Variants in LARP1 observed in about 807,000 individuals in gnomAD.
The protein encoded by LARP1 is La ribonucleoprotein 1, translational regulator.
Under a neutral mutation model 122.7 loss-of-function variants are expected in LARP1, and 36 were observed. The ratio of observed to expected loss-of-function variants is 0.29; its 90% CI spans 0.22 to 0.39. The LOEUF (loss-of-function observed/expected upper bound fraction) is 0.39, where lower values mean the gene tolerates loss of function less well. LARP1 is among the 10% of genes least tolerant of loss of function. The probability of loss-of-function intolerance (pLI) is 1.00; values close to 1 mark genes in which losing one functional copy is unlikely to be tolerated. For synonymous variants in LARP1, 539 were observed against 528.7 expected (o/e 1.02, Z -0.27); for missense variants, 1,040 against 1,403.6 (o/e 0.74, Z 4.14).
intron 16 of LARP1, among the ~76,000 whole-genome samples, chr5:154,810,718 C>T (rs1042062000): frequency 6.6e-6 from 1 of 152,078 alleles, no homozygotes; most frequent in Non-Finnish European, 1.5e-5. Context: ...AACTCCGGAC[C>T]TCAAGTGATC....
rs1490559411 is a variant in LARP1, at chr5:154,816,147, TCAAAC to T, written c.*2055_*2059del. 2 of 152,714 alleles carry T rather than the reference TCAAAC, an allele frequency of 1.3e-5. No homozygotes were observed. Among genetic ancestry groups the T allele is most frequent in the Admixed American group, 1.3e-4 (2 of 15,284 alleles). The allele number at this position is 152,714 out of a possible 1,614,324, so 9.5% of individuals were successfully genotyped here. A position where few individuals can be genotyped will look rare whatever the true frequency, so the allele number is the denominator to read the frequency against. Reference sequence around the variant, plus strand: ...ATCTCAGTTCCTGTGACTTCATGTCTCAAACCAAGGATGAGCGTCTGGTCTCTGCT... The same window carrying T: ...ATCTCAGTTCCTGTGACTTCATGTCTCAAGGATGAGCGTCTGGTCTCTGCT... On this transcript the variant is annotated 3_prime_UTR_variant, in exon 19 of 19. Transcript: ENST00000518297.
At chr5:154,749,490 T>C (rs1207743710) in intron 1 of LARP1, among the ~76,000 whole-genome samples, 7 of 152,186 alleles carry the variant, frequency 4.6e-5, no homozygotes, top group African/African-American at 1.2e-4. Flanking sequence ...AAACGAGGAA[T>C]TGTGGAAACA....
At chr5:154,754,666 A>C (rs545680148), upstream of LARP1, among the ~76,000 whole-genome samples, 47 of 152,390 alleles carry the variant, frequency 3.1e-4, no homozygotes, top group Non-Finnish European at 5.4e-4. Context: ...CAAGGGCTAA[A>C]GACTCGCTTT....
chr5:154,764,038 G>A (rs1754698940), intron 1 of LARP1, among the ~76,000 whole-genome samples: 1 of 151,590 alleles, frequency 6.6e-6, no homozygotes. Flanking sequence ...CCTGGGTGCG[G>A]TGGTTCACGC....
chr5:154,734,116 G>A (rs1340932718), intron 1 of LARP1, among the ~76,000 whole-genome samples: 1 of 150,872 alleles, frequency 6.6e-6, no homozygotes. Flanking sequence ...GCAGTGAGCC[G>A]AGATCACGCT....
chr5:154,781,616 GA>G (rs1756458385), intron 1 of LARP1, among the ~76,000 whole-genome samples: 1 of 152,054 alleles, frequency 6.6e-6, no homozygotes, highest in African/African-American at 2.4e-5. Context: ...AAAAAAAACG[GA>G]AAAATAAATG....
chr5:154,737,436 C>CTTTTTTTTTT (rs10526758), intron 1 of LARP1, among the ~76,000 whole-genome samples: 5 of 95,302 alleles, frequency 5.2e-5, no homozygotes, highest in African/African-American at 8.9e-5. Flanking sequence ...GAATTTTTCT[C>CTTTTTTTTTT]TTTTTTTTTT....
At position 154,726,349 on chromosome 5, in the gene LARP1, A is replaced by C. The variant is rs55851616; in HGVS notation, c.205+13219A>C. On this transcript the variant is annotated intron_variant, in intron 1 of 18. Coordinates refer to the LARP1 transcript ENST00000336314. ...ATCCAGGGCCTCAGGTTTTCCTATAATTTTTTCATATACAATACCTGCTAT... is the reference window on the plus strand; with the variant it reads ...ATCCAGGGCCTCAGGTTTTCCTATACTTTTTTCATATACAATACCTGCTAT... 4.3e-3 allele frequency among the ~76,000 whole-genome samples: 652 copies of C among 152,252 alleles called. 5 individuals are homozygous for C. The highest frequency in any genetic ancestry group is 0.014 in the African/African-American group (585 of 41,546).
At chr5:154,706,310 TAA>T (rs1221337158) in intron 1 of LARP1, among the ~76,000 whole-genome samples, 2 of 148,244 alleles carry the variant, frequency 1.3e-5, no homozygotes, top group African/African-American at 4.9e-5. Context: ...ATAATAATAA[TAA>T]TAATAATAAT....
At position 154,817,325 on chromosome 5, in the gene LARP1, G is replaced by A. The variant is rs1310379446; in HGVS notation, c.*3229G>A. On this transcript the variant is annotated 3_prime_UTR_variant, in exon 19 of 19. Coordinates refer to ENST00000518297, the MANE Select transcript of LARP1 (RefSeq NM_033551.3). ...TTGGAGCCCATTTCTCACTGGAGAG[G>A]AAAACTTGTCATCTGGCTTTGCGGA... The A allele has an allele frequency of 6.6e-6, 1 of 152,610 alleles. No homozygotes were observed. Among genetic ancestry groups the A allele is most frequent in the African/African-American group, 2.4e-5 (1 of 41,442 alleles). 9.5% of individuals were successfully genotyped at this position (152,610 alleles called of 1,614,324 possible). A position where few individuals can be genotyped will look rare whatever the true frequency, so the allele number is the denominator to read the frequency against.
intron 1 of LARP1, among the ~76,000 whole-genome samples, chr5:154,782,570 C>T (rs530697085): frequency 6.6e-6 from 1 of 152,270 alleles, no homozygotes; most frequent in East Asian, 1.9e-4. Context: ...CCTGGCCCAC[C>T]CTTGCTCCTC....
chr5:154,739,272 G>A (rs888189970), intron 1 of LARP1, among the ~76,000 whole-genome samples: 45 of 151,916 alleles, frequency 3.0e-4, no homozygotes, highest in African/African-American at 8.0e-4. Flanking sequence ...CGCCCACCTC[G>A]GCCTCCCAAA....
intron 1 of LARP1, among the ~76,000 whole-genome samples, chr5:154,776,421 G>GGAGA (rs1431186010): frequency 6.6e-6 from 1 of 152,138 alleles, no homozygotes; most frequent in Non-Finnish European, 1.5e-5. Flanking sequence ...GTGGGTAAAG[G>GGAGA]GAGAGTACCT....
chr5:154,700,751 A>G (rs1397063297), intron 1 of LARP1, among the ~76,000 whole-genome samples: 1 of 151,698 alleles, frequency 6.6e-6, no homozygotes, highest in African/African-American at 2.4e-5. Flanking sequence ...AGGCTCCCAA[A>G]TAGCCGGGAT....
intron 1 of LARP1, among the ~76,000 whole-genome samples, chr5:154,689,990 G>C (rs1307438281): frequency 6.6e-6 from 1 of 152,194 alleles, no homozygotes; most frequent in African/African-American, 2.4e-5. Flanking sequence ...GCACTGAGCA[G>C]AGATCGCGCC....
chr5:154,754,786 AC>A (rs1753694888), upstream of LARP1, among the ~76,000 whole-genome samples: 1 of 151,984 alleles, frequency 6.6e-6, no homozygotes, highest in Non-Finnish European at 1.5e-5. Flanking sequence ...AACCAAGGTC[AC>A]CCGGGCGGGG....
chr5:154,799,864 A>C lies in LARP1; in HGVS notation c.1547-9A>C. 1 of 1,612,686 alleles carries C rather than the reference A, an allele frequency of 6.2e-7. No individual in the cohort carries two copies. The highest frequency in any genetic ancestry group is 8.5e-7 in the Non-Finnish European group (1 of 1,179,194). ...GGAGGGATGAGGACTTCCCCTTTCC[A>C]CCCTTTAGAGTCGGCACCTGGCTCT... On this transcript the variant is annotated splice_polypyrimidine_tract_variant and intron_variant, in intron 9 of 18. Coordinates refer to ENST00000518297, the MANE Select transcript of LARP1 (RefSeq NM_033551.3).
chr5:154,712,117 G>T (rs955958670), upstream of LARP1, among the ~76,000 whole-genome samples: 2 of 152,122 alleles, frequency 1.3e-5, no homozygotes, highest in African/African-American at 2.4e-5. Flanking sequence ...CTAAAACAGA[G>T]CCTGACACAT....
rs909318839 is a variant in LARP1, at chr5:154,790,234, G to A, written c.437-91G>A. 2.9e-6 allele frequency: 3 copies of A among 1,034,414 alleles called. No homozygotes were observed. The African/African-American group carries it at 4.8e-5, about 16-fold the overall frequency. 64.1% of individuals were successfully genotyped at this position (1,034,414 alleles called of 1,614,324 possible). ...CCTTTGGGAACTTGCAGGTTGCTAG[G>A]TGGAGTGGGGACGGTGATGAGGGTG... On this transcript the variant is annotated intron_variant, in intron 1 of 18. Coordinates refer to ENST00000518297, the MANE Select transcript of LARP1 (RefSeq NM_033551.3).
Sources: allele counts gnomAD v4.1 joint callset (sites outside exome capture counted in the v4.1 genomes callset), GRCh38; gene constraint gnomAD v4.1.1; transcripts MANE v1.5; gene names NCBI Gene and HGNC (gene_info 2026-07-23, HGNC 2026-07-21).